CNTN5: variants seen among roughly 807,000 people sequenced by gnomAD.
The protein encoded by CNTN5 is contactin 5.
A neutral mutation model predicts 129.1 loss-of-function variants in CNTN5; 77 were observed. The ratio of observed to expected loss-of-function variants is 0.60; its 90% CI spans 0.50 to 0.72. The LOEUF (loss-of-function observed/expected upper bound fraction) is 0.72, where lower values mean the gene tolerates loss of function less well. CNTN5 is among the 30% of genes least tolerant of loss of function. The probability of loss-of-function intolerance (pLI) is 0.00; values close to 1 mark genes in which losing one functional copy is unlikely to be tolerated. For synonymous variants in CNTN5, 509 were observed against 465.6 expected, an observed-to-expected ratio of 1.09 and a Z score of -1.20; for missense variants, 1,478 against 1,328.8, an observed-to-expected ratio of 1.11 and a Z score of -1.75.
chr11:99,576,709 G>A (rs187244614), intron 3 of CNTN5, among the ~76,000 whole-genome samples: 2 of 152,268 alleles, frequency 1.3e-5, no homozygotes, highest in East Asian at 3.9e-4. Flanking sequence ...CCAGTTGCCT[G>A]CAGATTTGGT....
chr11:99,613,326 G>A lies in CNTN5; in HGVS notation c.55+57057G>A, dbSNP rs533954637. On this transcript the variant is annotated intron_variant, in intron 3 of 24. Coordinates refer to ENST00000524871, the MANE Select transcript of CNTN5 (RefSeq NM_014361.4). ...TTTATAAGGGGCTCTTCCCGGCTTC[G>A]CTGGGCCTGTCTTCTTCCTGCAGTC... Among the ~76,000 whole-genome samples, 49 of 152,206 alleles carry A rather than the reference G, an allele frequency of 3.2e-4. 1 individual carries two copies. Among genetic ancestry groups the A allele is most frequent in the East Asian group, 1.9e-4 (1 of 5,166 alleles).
intron 1 of CNTN5, among the ~76,000 whole-genome samples, chr11:99,096,760 A>T (rs1479690407): frequency 2.0e-5 from 3 of 151,788 alleles, no homozygotes; most frequent in African/African-American, 7.2e-5. Flanking sequence ...TTCAAAAACT[A>T]GTCTACTAAA....
At chr11:99,048,062 A>G (rs1048452826) in intron 1 of CNTN5, among the ~76,000 whole-genome samples, 3 of 152,014 alleles carry the variant, frequency 2.0e-5, no homozygotes, top group African/African-American at 7.2e-5. Flanking sequence ...TGATTCACAG[A>G]CGTATATACT....
chr11:99,623,866 C>A (rs1054496898), intron 3 of CNTN5, among the ~76,000 whole-genome samples: 3 of 151,806 alleles, frequency 2.0e-5, no homozygotes, highest in African/African-American at 7.3e-5. Flanking sequence ...CTATCAAAAC[C>A]TTTGTTTCTG....
chr11:99,336,494 A>G (rs940148337), intron 2 of CNTN5, among the ~76,000 whole-genome samples: 2 of 152,186 alleles, frequency 1.3e-5, no homozygotes, highest in African/African-American at 2.4e-5. Context: ...AATAAAAGTG[A>G]CTTTTTTTCT....
chr11:100,132,613 G>A (rs1353240479), intron 13 of CNTN5, among the ~76,000 whole-genome samples: 3 of 152,070 alleles, frequency 2.0e-5, no homozygotes, highest in African/African-American at 4.8e-5. Context: ...GCTAGTGAGG[G>A]CACTACAGCA....
intron 3 of CNTN5, among the ~76,000 whole-genome samples, chr11:99,801,252 A>G (rs1946105679): frequency 6.6e-6 from 1 of 152,168 alleles, no homozygotes; most frequent in Non-Finnish European, 1.5e-5. Context: ...AATGCTGAAA[A>G]TAGGCCTCCA....
intron 13 of CNTN5, among the ~76,000 whole-genome samples, chr11:100,078,480 C>A (rs1291210020): frequency 6.6e-6 from 1 of 152,022 alleles, no homozygotes; most frequent in Non-Finnish European, 1.5e-5. Flanking sequence ...GAACTCCCTT[C>A]AGATAGTAAA....
chr11:100,003,940 A>C (rs1484251093), intron 9 of CNTN5: 1 of 152,196 alleles, frequency 6.6e-6, no homozygotes, highest in Non-Finnish European at 1.5e-5. Flanking sequence ...CTACCTAAAG[A>C]CCAATCTGCC....
intron 6 of CNTN5, among the ~76,000 whole-genome samples, chr11:99,863,186 G>A (rs922492140): frequency 3.3e-5 from 5 of 152,088 alleles, no homozygotes; most frequent in African/African-American, 1.2e-4. Flanking sequence ...TACGTGAGTT[G>A]CTCTTTCTTC....
chr11:99,777,314 G>A (rs1051282441), intron 3 of CNTN5, among the ~76,000 whole-genome samples: 1 of 151,762 alleles, frequency 6.6e-6, no homozygotes, highest in African/African-American at 2.4e-5. Flanking sequence ...TACAAATGTT[G>A]TGCATCTCAT....
chr11:100,148,579 A>T (rs1026464244), intron 13 of CNTN5, among the ~76,000 whole-genome samples: 1 of 152,184 alleles, frequency 6.6e-6, no homozygotes, highest in African/African-American at 2.4e-5. Context: ...TATTTGTGTG[A>T]GTCGTTTTTG....
chr11:100,204,612 TTA>T (rs1212765598), intron 15 of CNTN5, among the ~76,000 whole-genome samples: 1 of 151,278 alleles, frequency 6.6e-6, no homozygotes, highest in African/African-American at 2.4e-5. Context: ...TTAAAGAGTT[TTA>T]GTTAACAGAG....
intron 3 of CNTN5, among the ~76,000 whole-genome samples, chr11:99,758,391 C>T (rs772133426): frequency 5.5e-4 from 84 of 152,112 alleles, no homozygotes; most frequent in Middle Eastern, 6.8e-3. Context: ...ACCAGACTAA[C>T]GTATAACATA....
chr11:99,303,994 C>T (rs1864759985), intron 1 of CNTN5, among the ~76,000 whole-genome samples: 1 of 152,088 alleles, frequency 6.6e-6, no homozygotes, highest in South Asian at 2.1e-4. Context: ...GAAGTTTCTT[C>T]CATGTTAATG....
At chr11:99,449,238 G>A (rs1245522936) in intron 2 of CNTN5, among the ~76,000 whole-genome samples, 1 of 152,142 alleles carries the variant, frequency 6.6e-6, no homozygotes, top group Non-Finnish European at 1.5e-5. Context: ...TTGAACATGT[G>A]TGAATTTTTC....
intron 8 of CNTN5, among the ~76,000 whole-genome samples, chr11:99,967,996 AAAG>A (rs1231977795): frequency 6.6e-6 from 1 of 152,204 alleles, no homozygotes; most frequent in East Asian, 1.9e-4. Context: ...TATTAACTAA[AAAG>A]AAGTTGAGGT....
chr11:99,494,391 T>A (rs746234424), intron 2 of CNTN5, among the ~76,000 whole-genome samples: 1 of 152,214 alleles, frequency 6.6e-6, no homozygotes, highest in Non-Finnish European at 1.5e-5. Flanking sequence ...TCTAACATAT[T>A]TAATAGCAAG....
chr11:100,072,990 C>CA (rs61042118), intron 12 of CNTN5, among the ~76,000 whole-genome samples: 13,209 of 78,894 alleles, frequency 0.17, 1,308 homozygotes, highest in African/African-American at 0.18. Flanking sequence ...TCCCAGGAGG[C>CA]AAAAAAAAAA....
Sources: gnomAD v4.1 joint callset for allele counts (sites outside exome capture counted in the v4.1 genomes callset) on GRCh38, gnomAD v4.1.1 for gene constraint, MANE v1.5 for transcripts, NCBI Gene and HGNC (gene_info 2026-07-23, HGNC 2026-07-21) for gene names.